PKD2: variants seen among roughly 807,000 people sequenced by gnomAD.
The protein encoded by PKD2 is polycystin-2.
PKD2 carries 48 observed loss-of-function variants against 105.9 expected under a neutral mutation model. The ratio of observed to expected loss-of-function variants is 0.45; its 90% confidence interval spans 0.36 to 0.58. The LOEUF (loss-of-function observed/expected upper bound fraction) is 0.58. Among genes scored for constraint, PKD2 ranks in the 20% least tolerant of loss-of-function variants. The pLI is 0.00. For missense variants in PKD2, 1,078 were observed against 1,255.3 expected (o/e 0.86, Z 2.13); for synonymous variants, 464 against 481.1 (o/e 0.96, Z 0.46).
rs191868758 is a variant in PKD2, at chr4:88,057,152, G to T, written c.1899-831G>T. On this transcript the variant is annotated intron_variant, in intron 8 of 14. Transcript: ENST00000237596. ...CTACAAGTGTATGCCACCATGCCTG[G>T]CCAATTTTTAACTTTTTTTATGAGA... Among the ~76,000 whole-genome samples, 224 of 152,010 alleles carry T rather than the reference G, an allele frequency of 1.5e-3. 2 individuals are homozygous for T. Among genetic ancestry groups the T allele is most frequent in the African/African-American group, 5.3e-3 (219 of 41,498 alleles).
At position 88,076,084 on chromosome 4, in the gene PKD2, G is replaced by C. The variant is rs1343231688; in HGVS notation, c.*390G>C. ...AATCAGTATTGTTATTTTTTTCCAA[G>C]AGTGTGAAGGAAAATGGGGCATTCC... On this transcript the variant is annotated 3_prime_UTR_variant, in exon 15 of 15. Transcript: ENST00000237596. 1 of 224,370 alleles carries C rather than the reference G, an allele frequency of 4.5e-6. No individual in the cohort carries two copies. Among genetic ancestry groups the C allele is most frequent in the Non-Finnish European group, 8.9e-6 (1 of 112,488 alleles). The allele number at this position is 224,370 out of a possible 1,614,324, so 13.9% of individuals were successfully genotyped here.
At chr4:88,042,433 G>A (rs551099019) in intron 4 of PKD2, among the ~76,000 whole-genome samples, 1 of 152,244 alleles carries the variant, frequency 6.6e-6, no homozygotes, top group South Asian at 2.1e-4. Flanking sequence ...CAAAACATGG[G>A]AATTGTGGGA....
chr4:88,044,147 C>T (rs993006918), intron 5 of PKD2, among the ~76,000 whole-genome samples: 9 of 152,020 alleles, frequency 5.9e-5, no homozygotes, highest in South Asian at 4.2e-4. Context: ...AATAAAGATC[C>T]GCACCTTGGC....
At chr4:88,044,730 G>A (rs1216185581) in intron 5 of PKD2, among the ~76,000 whole-genome samples, 2 of 152,164 alleles carry the variant, frequency 1.3e-5, no homozygotes, top group African/African-American at 2.4e-5. Context: ...CAACTGTTGT[G>A]TGCCAGCATG....
At chr4:88,039,056 C>A (rs151050934) in intron 4 of PKD2, among the ~76,000 whole-genome samples, 1 of 152,144 alleles carries the variant, frequency 6.6e-6, no homozygotes, top group African/African-American at 2.4e-5. Flanking sequence ...CTTCAAACAT[C>A]TTGTGTATTA....
chr4:88,039,664 CA>C lies in PKD2; in HGVS notation c.1094+1178del, dbSNP rs368041376. Among the ~76,000 whole-genome samples, 225 of 97,532 alleles carry C rather than the reference CA, an allele frequency of 2.3e-3. 1 individual carries two copies. The highest frequency in any genetic ancestry group is 5.4e-3 in the East Asian group (10 of 1,852). The allele number at this position is 97,532 out of a possible 152,430, so 64.0% of individuals were successfully genotyped here. ...TGGGCAACAGAGCAAGACTCCCCCT[CA>C]AAAAAAAAAAAAAACAAATTTAGTG... On this transcript the variant is annotated intron_variant, in intron 4 of 14. Transcript: ENST00000237596.
intron 13 of PKD2, among the ~76,000 whole-genome samples, chr4:88,073,249 A>G (rs1317273075): frequency 1.3e-5 from 2 of 151,524 alleles, no homozygotes; most frequent in Non-Finnish European, 2.9e-5. Context: ...AGCCGGGCAC[A>G]GTGGCTCACA....
At chr4:88,029,171 C>T (rs1727059795) in intron 2 of PKD2, among the ~76,000 whole-genome samples, 1 of 152,160 alleles carries the variant, frequency 6.6e-6, no homozygotes, top group Non-Finnish European at 1.5e-5. Flanking sequence ...ATTTGGCATT[C>T]TAGGACTTCC....
chr4:88,043,371 A>G lies in PKD2; in HGVS notation c.1233A>G (p.Lys411=). The G allele has an allele frequency of 1.9e-6, 3 of 1,614,074 alleles. No homozygotes were observed. Among genetic ancestry groups the G allele is most frequent in the Non-Finnish European group, 2.5e-6 (3 of 1,179,962 alleles). The change falls in exon 5 of 15, where the codon AAA becomes AAG. Residue 411 remains lysine, a synonymous_variant. Transcript: ENST00000237596. ...CTGCACAAGTTGCTAGCCTCAAGAA[A>G]AATGTCTGGCTGGACCGAGGAACCA... ...ETAAQVASLK[K]NVWLDRGTRA...
At chr4:88,015,981 A>G (rs1726546312) in intron 1 of PKD2, among the ~76,000 whole-genome samples, 1 of 152,184 alleles carries the variant, frequency 6.6e-6, no homozygotes, top group South Asian at 2.1e-4. Flanking sequence ...TTTGGGGATG[A>G]AACTGTTCCA....
intron 1 of PKD2, among the ~76,000 whole-genome samples, chr4:88,009,326 TCTC>T (rs1338493632): frequency 6.6e-6 from 1 of 152,322 alleles, no homozygotes; most frequent in East Asian, 1.9e-4. Flanking sequence ...TTCTTGTTCT[TCTC>T]CTTCTGTCAG....
Position 88,008,394 on chromosome 4 carries a change from C to A in PKD2, c.595+66C>A, listed in dbSNP as rs1174886863. On this transcript the variant is annotated intron_variant, in intron 1 of 14. Coordinates refer to ENST00000237596, the MANE Select transcript of PKD2 (RefSeq NM_000297.4). ...AACGGCCGGCGCCGGCCGGGGCCAT[C>A]GCCCGCTGCGGCAGCTCCCCGGGCT... The A allele has an allele frequency of 7.5e-6, 11 of 1,461,242 alleles. No individual in the cohort carries two copies. In the Admixed American group the frequency reaches 1.4e-4, roughly 19 times the overall value. 90.5% of individuals were successfully genotyped at this position (1,461,242 alleles called of 1,614,324 possible).
At chr4:88,014,001 G>A (rs898231959) in intron 1 of PKD2, among the ~76,000 whole-genome samples, 9 of 152,090 alleles carry the variant, frequency 5.9e-5, no homozygotes, top group African/African-American at 2.2e-4. Context: ...GGTGAGGTGG[G>A]TAGGCTGGTG....
At position 88,065,572 on chromosome 4, in the gene PKD2, G is replaced by A. The variant is rs571426618; in HGVS notation, c.2240+77G>A. The A allele has an allele frequency of 9.7e-6, 14 of 1,449,304 alleles. No individual in the cohort carries two copies. In the East Asian group the frequency reaches 2.0e-4, roughly 21 times the overall value. The allele number at this position is 1,449,304 out of a possible 1,614,324, so 89.8% of individuals were successfully genotyped here. Reference sequence around the variant, plus strand: ...ATTCCTGGTGATAAGAGTATTTCTAGCCCAAGGGCTCATACAGATACTTTT... The same window carrying A: ...ATTCCTGGTGATAAGAGTATTTCTAACCCAAGGGCTCATACAGATACTTTT... On this transcript the variant is annotated intron_variant, in intron 11 of 14. Coordinates refer to ENST00000237596, the MANE Select transcript of PKD2 (RefSeq NM_000297.4).
intron 1 of PKD2, among the ~76,000 whole-genome samples, chr4:88,012,409 G>T (rs1201625375): frequency 6.6e-6 from 1 of 152,032 alleles, no homozygotes; most frequent in Admixed American, 6.6e-5. Context: ...CCTAACTTTA[G>T]CCAGCAATTG....
chr4:88,046,897 CCTATTCT>C (rs775489701), intron 6 of PKD2, 27 bp downstream of exon 6: 1 of 1,279,218 alleles, frequency 7.8e-7, no homozygotes, highest in South Asian at 1.2e-5. Flanking sequence ...CACCAAATTT[CCTATTCT>C]ATTCTACAAG....
chr4:88,043,555 C>A, intron 5 of PKD2, 98 bp downstream of exon 5: 2 of 821,594 alleles, frequency 2.4e-6, no homozygotes, highest in Non-Finnish European at 4.1e-6. Flanking sequence ...CAGTTAGCTA[C>A]ATGAGGATGC....
intron 2 of PKD2, among the ~76,000 whole-genome samples, chr4:88,035,053 G>A (rs1727285326): frequency 1.3e-5 from 2 of 152,146 alleles, no homozygotes; most frequent in African/African-American, 4.8e-5. Context: ...ATAAATTTTA[G>A]TTATTATTTT....
chr4:88,074,646 C>T (rs939230309), intron 13 of PKD2, among the ~76,000 whole-genome samples, 166 bp from the exon 14 acceptor site: 7 of 152,142 alleles, frequency 4.6e-5, no homozygotes, highest in Admixed American at 1.3e-4. Flanking sequence ...ACACTCCTAC[C>T]AGCGGCATCC....
Sources: allele counts gnomAD v4.1 joint callset (sites outside exome capture counted in the v4.1 genomes callset), GRCh38; gene constraint gnomAD v4.1.1; transcripts MANE v1.5; gene names NCBI Gene and HGNC (gene_info 2026-07-23, HGNC 2026-07-21).